The following SLIT1 variants were observed in gnomAD, a reference collection of about 807,000 sequenced individuals.
SLIT1 encodes the protein slit homolog 1 protein.
In SLIT1, 66 loss-of-function variants were observed where a neutral mutation model predicts 186.1. That is an observed-to-expected ratio of 0.35 (90% CI 0.29 to 0.44). The LOEUF (loss-of-function observed/expected upper bound fraction) is 0.44. Among genes scored for constraint, SLIT1 ranks in the 20% least tolerant of loss-of-function variants. The pLI, the probability that SLIT1 is intolerant of heterozygous loss-of-function variation, is 1.00. For missense variants in SLIT1, 1,638 were observed against 2,037.4 expected (o/e 0.80, Z 3.77); for synonymous variants, 761 against 833.8 (o/e 0.91, Z 1.50).
chr10:97,036,188 T>C (rs1270190264), intron 22 of SLIT1, among the ~76,000 whole-genome samples: 3 of 152,178 alleles, frequency 2.0e-5, no homozygotes, highest in African/African-American at 7.2e-5. Context: ...TCTAATCTAA[T>C]TCTAAATCAT....
At chr10:97,026,634 A>G (rs1370089342) in intron 25 of SLIT1, among the ~76,000 whole-genome samples, 1 of 152,228 alleles carries the variant, frequency 6.6e-6, no homozygotes, top group African/African-American at 2.4e-5. Context: ...TCCAGCCTAC[A>G]GCAAATGAGA....
intron 4 of SLIT1, among the ~76,000 whole-genome samples, chr10:97,090,296 G>A (rs1250026849): frequency 2.6e-5 from 4 of 152,184 alleles, no homozygotes; most frequent in African/African-American, 7.2e-5. Flanking sequence ...GTCTGTCAAG[G>A]GAGAAACGAA....
intron 30 of SLIT1, among the ~76,000 whole-genome samples, chr10:97,012,601 G>C (rs889459833): frequency 1.3e-5 from 2 of 152,216 alleles, no homozygotes; most frequent in Non-Finnish European, 2.9e-5. Flanking sequence ...CAAGGAGGGC[G>C]CATGCTGCCC....
At chr10:97,059,004 G>A (rs1848866558) in intron 11 of SLIT1, among the ~76,000 whole-genome samples, 1 of 152,226 alleles carries the variant, frequency 6.6e-6, no homozygotes, top group African/African-American at 2.4e-5. Flanking sequence ...CCACATCTTG[G>A]GATTCATTAC....
Position 97,002,142 on chromosome 10 carries a change from GA to G in SLIT1, c.4366+15del. On this transcript the variant is annotated intron_variant, in intron 36 of 36. Coordinates refer to ENST00000266058, the MANE Select transcript of SLIT1 (RefSeq NM_003061.3). ...GGGGACCCTGGGGAGGGCACGTCAGGAGGGGGGCCCCTGACCTTGCTCACAC... is the reference window on the plus strand; with the variant it reads ...GGGGACCCTGGGGAGGGCACGTCAGGGGGGGGCCCCTGACCTTGCTCACAC... The G allele has an allele frequency of 7.0e-7, 1 of 1,423,522 alleles. No homozygotes were observed. Among genetic ancestry groups the G allele is most frequent in the Non-Finnish European group, 9.3e-7 (1 of 1,080,606 alleles). 88.2% of individuals were successfully genotyped at this position (1,423,522 alleles called of 1,614,324 possible). A position where few individuals can be genotyped will look rare whatever the true frequency, so the allele number is the denominator to read the frequency against.
chr10:97,057,658 G>A (rs1272729861), intron 11 of SLIT1: 1 of 363,592 alleles, frequency 2.8e-6, no homozygotes, highest in Admixed American at 4.2e-5. Flanking sequence ...CCATGGGCAG[G>A]AATAATTAAC....
intron 31 of SLIT1, among the ~76,000 whole-genome samples, chr10:97,007,494 AC>A (rs1484395757): frequency 6.6e-6 from 1 of 152,114 alleles, no homozygotes; most frequent in Admixed American, 6.5e-5. Context: ...AAAAGATATC[AC>A]AAAAAACTAC....
In SLIT1 at chr10:97,030,765, CA is replaced by C; in HGVS notation, c.2573del (p.Leu858ArgfsTer24). On this transcript the variant is annotated frameshift_variant, in exon 25 of 37. Transcript: ENST00000266058. LOFTEE classifies it high-confidence loss of function. The part of the protein sequence containing the change: ...QEGIFADVTS[L>X]SHLAIGANPL... ...GGGGCTAGGGTACTCACAGGTGAGA[CA>C]GGGAGGTCACGTCTGCAAAGATGCC... is the stretch of plus-strand genomic sequence containing the variant. 6.2e-7 allele frequency: 1 copy of C among 1,613,768 alleles called. No homozygotes were observed.
At position 97,004,157 on chromosome 10, in the gene SLIT1, T is replaced by C; in HGVS notation, c.3776A>G (p.Asn1259Ser). The change falls in exon 34 of 37, where the codon AAT becomes AGT. Residue 1259 changes from asparagine (N) to serine (S), a missense_variant. Transcript: ENST00000266058. This position sits in a 1 kb window ranked among gnomAD's most constrained non-coding sequence, Gnocchi z 5.1. ...VELVAFDQMV[N>S]LSIDGGSPMT... ...GGGGCTCCCGCCATCAATGGAGAGA[T>C]TCACCATCTGGTCAAAGGCAACCAG... The C allele has an allele frequency of 6.2e-7, 1 of 1,613,838 alleles. No homozygotes were observed. Among genetic ancestry groups the C allele is most frequent in the Non-Finnish European group, 8.5e-7 (1 of 1,179,726 alleles).
chr10:97,090,104 G>T (rs1452612749), intron 4 of SLIT1, among the ~76,000 whole-genome samples: 1 of 152,182 alleles, frequency 6.6e-6, no homozygotes, highest in Non-Finnish European at 1.5e-5. Flanking sequence ...CGGACCACGG[G>T]CTTAGGCAGA....
chr10:97,140,213 C>T (rs138962936), intron 4 of SLIT1, among the ~76,000 whole-genome samples: 4 of 152,230 alleles, frequency 2.6e-5, no homozygotes, highest in African/African-American at 9.6e-5. Context: ...CAGCGTTCCT[C>T]GTACCAGCTT....
chr10:97,100,739 C>A (rs989560932), intron 4 of SLIT1, among the ~76,000 whole-genome samples: 1 of 152,174 alleles, frequency 6.6e-6, no homozygotes, highest in Non-Finnish European at 1.5e-5. Context: ...CATCACACAT[C>A]GGCAATTTTA....
At chr10:97,089,123 G>A (rs1374346455) in intron 4 of SLIT1, among the ~76,000 whole-genome samples, 2 of 152,218 alleles carry the variant, frequency 1.3e-5, no homozygotes, top group African/African-American at 2.4e-5. Flanking sequence ...TGCAGCATCT[G>A]GGGGAAAGGC....
intron 1 of SLIT1, among the ~76,000 whole-genome samples, chr10:97,182,359 C>T (rs1850350013): frequency 6.6e-6 from 1 of 152,218 alleles, no homozygotes; most frequent in African/African-American, 2.4e-5. Flanking sequence ...CAGCTGCAGT[C>T]CATAAAAATT....
chr10:97,112,110 T>C (rs1340104378), intron 4 of SLIT1, among the ~76,000 whole-genome samples: 2 of 152,224 alleles, frequency 1.3e-5, no homozygotes, highest in Non-Finnish European at 1.5e-5. Flanking sequence ...CTACACAGGC[T>C]GTTCCCCCTG....
Position 97,000,871 on chromosome 10 carries a change from G to A in SLIT1, c.*241C>T. 1 of 563,422 alleles carries A rather than the reference G, an allele frequency of 1.8e-6. No individual in the cohort carries two copies. Among genetic ancestry groups the A allele is most frequent in the Non-Finnish European group, 3.2e-6 (1 of 315,500 alleles). 34.9% of individuals were successfully genotyped at this position (563,422 alleles called of 1,614,324 possible). A position where few individuals can be genotyped will look rare whatever the true frequency, so the allele number is the denominator to read the frequency against. ...ACAAATATTTATTAAGCGCCTATTT[G>A]TGCAAGGCACTTCCGGAGAGGGCAG... On this transcript the variant is annotated 3_prime_UTR_variant, in exon 37 of 37. Coordinates refer to ENST00000266058, the MANE Select transcript of SLIT1 (RefSeq NM_003061.3).
At chr10:97,124,848 C>A (rs141703308) in intron 4 of SLIT1, among the ~76,000 whole-genome samples, 1 of 152,160 alleles carries the variant, frequency 6.6e-6, no homozygotes, top group Admixed American at 6.5e-5. Context: ...ACCCAACGTA[C>A]GTTGCTTAAC....
At position 96,998,803 on chromosome 10, in the gene SLIT1, T is replaced by G. The variant is rs939890222; in HGVS notation, c.*2309A>C. 1 of 152,288 alleles carries G rather than the reference T, an allele frequency of 6.6e-6. No individual in the cohort carries two copies. The highest frequency in any genetic ancestry group is 2.4e-5 in the African/African-American group (1 of 41,430). 9.4% of individuals were successfully genotyped at this position (152,288 alleles called of 1,614,324 possible). The stretch of plus-strand genomic sequence containing the variant: ...GGGGAGCCTTAAGCTCACATGGTGC[T>G]CCCTAGGAACAAACATGCCAGCCGC... On this transcript the variant is annotated 3_prime_UTR_variant, in exon 37 of 37. Coordinates refer to ENST00000266058, the MANE Select transcript of SLIT1 (RefSeq NM_003061.3).
chr10:97,137,194 A>G (rs558462863), intron 4 of SLIT1, among the ~76,000 whole-genome samples: 94 of 152,370 alleles, frequency 6.2e-4, no homozygotes, highest in South Asian at 4.4e-3. Context: ...AATCCTTTAT[A>G]TAGTCTGGAA....
Sources: gnomAD v4.1 joint callset for allele counts (sites outside exome capture counted in the v4.1 genomes callset) on GRCh38, gnomAD v4.1.1 for gene constraint, Gnocchi (gnomAD v3.1) non-coding constraint, MANE v1.5 for transcripts, NCBI Gene and HGNC (gene_info 2026-07-23, HGNC 2026-07-21) for gene names.